KCNH6: variants seen among roughly 807,000 people sequenced by gnomAD.
KCNH6 encodes the protein voltage-gated inwardly rectifying potassium channel KCNH6.
A neutral mutation model predicts 83.4 loss-of-function variants in KCNH6; 81 were observed. The observed-to-expected ratio is 0.97, with a 90% CI of 0.81 to 1.17. The LOEUF is 1.17. KCNH6 is among the 50% of genes most tolerant of loss of function. The pLI, the probability that KCNH6 is intolerant of heterozygous loss-of-function variation, is 0.00. For synonymous variants in KCNH6, 503 were observed against 545.6 expected, an observed-to-expected ratio of 0.92 and a Z score of 1.09; for missense variants, 1,203 against 1,290.5, an observed-to-expected ratio of 0.93 and a Z score of 1.04.
chr17:63,545,493 G>A, intron 12 of KCNH6, 116 bp from the exon 13 acceptor site: 2 of 1,139,856 alleles, frequency 1.8e-6, no homozygotes, highest in Admixed American at 2.5e-5. Context: ...CAGGGCAGCA[G>A]GACCCTGAGG....
Position 63,534,607 on chromosome 17 carries a change from C to T in KCNH6, c.1101+296C>T, listed in dbSNP as rs555576494. Among the ~76,000 whole-genome samples, 1 of 152,180 alleles carries T rather than the reference C, an allele frequency of 6.6e-6. No individual in the cohort carries two copies. The highest frequency in any genetic ancestry group is 1.9e-4 in the East Asian group (1 of 5,178). Reference sequence around the variant, plus strand: ...ACTCGTGTGGTCCCGGCCCCTCATGCTGACTTCCAAACTGCACTCACCCTG... The same window carrying T: ...ACTCGTGTGGTCCCGGCCCCTCATGTTGACTTCCAAACTGCACTCACCCTG... On this transcript the variant is annotated intron_variant, in intron 5 of 12. Transcript: ENST00000314672. This position sits in a 1 kb window ranked among gnomAD's most constrained non-coding sequence, Gnocchi z 5.0.
Position 63,535,558 on chromosome 17 carries a change from A to T in KCNH6, c.1102-111A>T. On this transcript the variant is annotated intron_variant, in intron 5 of 12. Coordinates refer to ENST00000314672, the MANE Select transcript of KCNH6 (RefSeq NM_001278919.2). The surrounding 1 kb of genome is among the most constrained non-coding windows in gnomAD (Gnocchi z 4.9). ...CGTGGCCCGGAGGAAGTTCTCCATA[A>T]ATGTTTGTTGAATGAGTATGTGGTT... 1 of 1,043,944 alleles carries T rather than the reference A, an allele frequency of 9.6e-7. No homozygotes were observed. The highest frequency in any genetic ancestry group is 1.4e-6 in the Non-Finnish European group (1 of 718,368). 64.7% of individuals were successfully genotyped at this position (1,043,944 alleles called of 1,614,324 possible). A position where few individuals can be genotyped will look rare whatever the true frequency, so the allele number is the denominator to read the frequency against.
intron 8 of KCNH6, among the ~76,000 whole-genome samples, chr17:63,541,323 C>T (rs1013992376): frequency 4.4e-5 from 6 of 136,748 alleles, no homozygotes; most frequent in South Asian, 2.3e-4. Context: ...GAGTCTCGCT[C>T]TGTCACCCAG....
Position 63,538,357 on chromosome 17 carries a change from C to A in KCNH6, c.1702-53C>A. ...GTCCCCAGAGCCCTCACCACCCTCT[C>A]CCCCAGCCCCACCCCGGCCGCGTCC... On this transcript the variant is annotated intron_variant, in intron 7 of 12. Coordinates refer to ENST00000314672, the MANE Select transcript of KCNH6 (RefSeq NM_001278919.2). The surrounding 1 kb of genome is among the most constrained non-coding windows in gnomAD (Gnocchi z 4.0). 6.3e-7 allele frequency: 1 copy of A among 1,595,318 alleles called. No individual in the cohort carries two copies. The highest frequency in any genetic ancestry group is 1.1e-5 in the South Asian group (1 of 90,020).
chr17:63,536,878 TG>T (rs1423047028), intron 6 of KCNH6, among the ~76,000 whole-genome samples: 3 of 129,874 alleles, frequency 2.3e-5, no homozygotes, highest in Non-Finnish European at 4.6e-5. Context: ...TGCTTGAACC[TG>T]GGAGGTGGAG....
intron 8 of KCNH6, among the ~76,000 whole-genome samples, chr17:63,540,620 T>G (rs942774177): frequency 6.6e-6 from 1 of 152,190 alleles, no homozygotes; most frequent in Admixed American, 6.5e-5. Flanking sequence ...GATTTCAAGC[T>G]TCAGGGTTTC....
intron 8 of KCNH6, among the ~76,000 whole-genome samples, chr17:63,540,389 G>A (rs926955791): frequency 3.3e-5 from 5 of 151,830 alleles, no homozygotes; most frequent in African/African-American, 9.7e-5. Flanking sequence ...CCAAGATCAC[G>A]CCACTGTACT....
At chr17:63,536,986 C>T (rs925056308) in intron 6 of KCNH6, among the ~76,000 whole-genome samples, 18 of 134,860 alleles carry the variant, frequency 1.3e-4, no homozygotes, top group African/African-American at 2.3e-4. Context: ...AAGAATTTTT[C>T]GACAGTGACA....
downstream of KCNH6, among the ~76,000 whole-genome samples, chr17:63,546,983 C>A (rs2033161888): frequency 1.3e-5 from 2 of 152,156 alleles, no homozygotes; most frequent in African/African-American, 4.8e-5. Context: ...TCGCCCCGTA[C>A]CAGGCACTGT....
At chr17:63,544,437 G>A (rs545219259) in intron 11 of KCNH6, 26 bp downstream of exon 11, 2 of 1,495,748 alleles carry the variant, frequency 1.3e-6, no homozygotes, top group South Asian at 1.4e-5. Flanking sequence ...TCAGGGCTGG[G>A]GGCTGGTCAT....
chr17:63,543,741 C>T, intron 10 of KCNH6, 81 bp downstream of exon 10: 1 of 866,586 alleles, frequency 1.2e-6, no homozygotes, highest in Non-Finnish European at 2.0e-6. Context: ...CTCCATCCTG[C>T]CTCCCCAGCG....
chr17:63,548,137 G>A (rs1240643031), downstream of KCNH6, among the ~76,000 whole-genome samples: 3 of 152,002 alleles, frequency 2.0e-5, no homozygotes, highest in Non-Finnish European at 4.4e-5. Context: ...GTGGTGGCAG[G>A]TGCCTGTAGT....
At position 63,527,515 on chromosome 17, in the gene KCNH6, T is replaced by C. The variant is rs554289891; in HGVS notation, c.308-2576T>C. On this transcript the variant is annotated intron_variant, in intron 2 of 12. Coordinates refer to ENST00000314672, the MANE Select transcript of KCNH6 (RefSeq NM_001278919.2). ...CCAGGGGAGAGAAGTGGGGTGCCTTTGCTAAGAAAAGTAAGAACCTAGCAT... is the reference window on the plus strand; with the variant it reads ...CCAGGGGAGAGAAGTGGGGTGCCTTCGCTAAGAAAAGTAAGAACCTAGCAT... 3.3e-5 allele frequency among the ~76,000 whole-genome samples: 5 copies of C among 152,272 alleles called. No homozygotes were observed. The East Asian group carries it at 9.7e-4, about 29-fold the overall frequency.
intron 6 of KCNH6, 104 bp from the exon 7 acceptor site, chr17:63,537,961 G>T (rs961770091): frequency 8.9e-7 from 1 of 1,119,242 alleles, no homozygotes; most frequent in Non-Finnish European, 1.3e-6. Context: ...TGGACAGAGG[G>T]GTCCTTCACC....
downstream of KCNH6, chr17:63,546,829 CCA>C (rs2147747787): frequency 6.6e-6 from 1 of 152,374 alleles, no homozygotes; most frequent in East Asian, 1.9e-4. Context: ...TCCACCATAT[CCA>C]GTGTGTTGGG....
Position 63,534,394 on chromosome 17 carries a change from T to G in KCNH6, c.1101+83T>G. The G allele has an allele frequency of 1.5e-6, 2 of 1,368,492 alleles. No individual in the cohort carries two copies. Among genetic ancestry groups the G allele is most frequent in the South Asian group, 1.4e-5 (1 of 73,786 alleles). The allele number at this position is 1,368,492 out of a possible 1,614,324, so 84.8% of individuals were successfully genotyped here. On this transcript the variant is annotated intron_variant, in intron 5 of 12. Transcript: ENST00000314672. This position sits in a 1 kb window ranked among gnomAD's most constrained non-coding sequence, Gnocchi z 5.0. ...GCCCTCCCTGCTGCACAGCACTGGG[T>G]GCGGAGAGTATCTGGCACTGGGCAC...
chr17:63,529,078 G>A (rs1026488802), intron 2 of KCNH6, among the ~76,000 whole-genome samples: 15 of 152,076 alleles, frequency 9.9e-5, no homozygotes, highest in East Asian at 1.9e-4. Flanking sequence ...CAAGTGATTC[G>A]CCTGCCTCAG....
At chr17:63,539,372 TC>T (rs1439081700) in intron 8 of KCNH6, among the ~76,000 whole-genome samples, 2 of 152,052 alleles carry the variant, frequency 1.3e-5, no homozygotes, top group Non-Finnish European at 1.5e-5. Context: ...TCTGCTCTCC[TC>T]GCCCCTCCTC....
In KCNH6 at chr17:63,524,792, C is replaced by G. The variant is rs553351552; in HGVS notation, c.307+423C>G. On this transcript the variant is annotated intron_variant, in intron 2 of 12. Transcript: ENST00000314672. Reference sequence around the variant, plus strand: ...GCAAGGCATGGGGGCTTTTGGCTGGCAAAGTGGGGTGGGCCTGCCTTATCC... The same window carrying G: ...GCAAGGCATGGGGGCTTTTGGCTGGGAAAGTGGGGTGGGCCTGCCTTATCC... 3.9e-5 allele frequency among the ~76,000 whole-genome samples: 6 copies of G among 152,304 alleles called. No homozygotes were observed. In the East Asian group the frequency reaches 1.2e-3, roughly 29 times the overall value.
Sources: gnomAD v4.1 joint callset for allele counts (sites outside exome capture counted in the v4.1 genomes callset) on GRCh38, gnomAD v4.1.1 for gene constraint, Gnocchi (gnomAD v3.1) non-coding constraint, MANE v1.5 for transcripts, NCBI Gene and HGNC (gene_info 2026-07-23, HGNC 2026-07-21) for gene names.